ASIP: variants seen among roughly 807,000 people sequenced by gnomAD.
The protein encoded by ASIP is agouti-signaling protein.
Under a neutral mutation model 10.3 loss-of-function variants are expected in ASIP, and 11 were observed. That is an observed-to-expected ratio of 1.07 (90% confidence interval 0.68 to 1.78). The LOEUF (loss-of-function observed/expected upper bound fraction) is 1.78. ASIP is among the 40% of genes most tolerant of loss of function. ASIP has a pLI of 0.00. For synonymous variants in ASIP, 70 were observed against 70.8 expected (o/e 0.99, Z 0.06); for missense variants, 180 against 169.2 (o/e 1.06, Z -0.35).
intron 1 of ASIP, among the ~76,000 whole-genome samples, chr20:34,254,251 C>T (rs978525787): frequency 3.3e-5 from 5 of 152,230 alleles, no homozygotes; most frequent in South Asian, 4.1e-4. Context: ...TTAGTAGAGA[C>T]GAGCTATCAC....
At chr20:34,205,039 C>T (rs1230889854) in intron 1 of ASIP, among the ~76,000 whole-genome samples, 1 of 152,188 alleles carries the variant, frequency 6.6e-6, no homozygotes, top group Non-Finnish European at 1.5e-5. Flanking sequence ...TATACTCACC[C>T]TATTGTGCTA....
Position 34,269,228 on chromosome 20 carries a change from G to A in ASIP, c.*61G>A, listed in dbSNP as rs1441016079. On this transcript the variant is annotated 3_prime_UTR_variant, in exon 4 of 4. Transcript: ENST00000374954. ...CGGGGACGCGGGGCGCTTCTCGGGC[G>A]GGTGATCCCTAACAGGGCGGCTTCC... 1.1e-5 allele frequency: 16 copies of A among 1,432,642 alleles called. No individual in the cohort carries two copies. The highest frequency in any genetic ancestry group is 2.6e-5 in the East Asian group (1 of 37,818). The allele number at this position is 1,432,642 out of a possible 1,614,324, so 88.7% of individuals were successfully genotyped here.
chr20:34,268,934 T>TCCTC, intron 3 of ASIP, 57 bp from the exon 4 acceptor site: 1 of 1,550,582 alleles, frequency 6.4e-7, no homozygotes, highest in Non-Finnish European at 8.7e-7. Context: ...CAGGCAGAGG[T>TCCTC]GAGGACCGGA....
At chr20:34,237,567 T>C (rs1347071652), upstream of ASIP, among the ~76,000 whole-genome samples, 2 of 152,242 alleles carry the variant, frequency 1.3e-5, no homozygotes, top group Admixed American at 1.3e-4. Flanking sequence ...CTTTAGGCTT[T>C]TCTACATTTA....
chr20:34,188,195 G>A, the ASIP span, among the ~76,000 whole-genome samples: 24 of 152,314 alleles, frequency 1.6e-4, no homozygotes, highest in South Asian at 3.1e-3. Context: ...GAAATTATAC[G>A]CAAGATGGTA....
At chr20:34,216,476 G>A (rs1425452129) in intron 1 of ASIP, among the ~76,000 whole-genome samples, 3 of 152,102 alleles carry the variant, frequency 2.0e-5, no homozygotes, top group African/African-American at 7.2e-5. Context: ...TACTTTTATG[G>A]TTAGTACATT....
chr20:34,197,159 G>A (rs1201740164), intron 1 of ASIP, among the ~76,000 whole-genome samples: 1 of 152,082 alleles, frequency 6.6e-6, no homozygotes, highest in African/African-American at 2.4e-5. Flanking sequence ...TGGATCACGA[G>A]GTCAAGAGTT....
At chr20:34,262,445 G>A (rs974602727) in intron 2 of ASIP, among the ~76,000 whole-genome samples, 6 of 152,152 alleles carry the variant, frequency 3.9e-5, no homozygotes, top group African/African-American at 1.4e-4. Flanking sequence ...TACAAGACAG[G>A]AGTCCATTTT....
At chr20:34,232,012 C>G (rs563376757) in intron 1 of ASIP, among the ~76,000 whole-genome samples, 3 of 152,342 alleles carry the variant, frequency 2.0e-5, no homozygotes, top group South Asian at 4.1e-4. Context: ...ATTCATCACA[C>G]AGCAAGCAGC....
At position 34,267,593 on chromosome 20, in the gene ASIP, G is replaced by A. The variant is rs139914983; in HGVS notation, c.223-1398G>A. 6.1e-3 allele frequency among the ~76,000 whole-genome samples: 921 copies of A among 151,418 alleles called. 4 individuals are homozygous for A. Among genetic ancestry groups the A allele is most frequent in the Middle Eastern group, 0.038 (11 of 292 alleles). On this transcript the variant is annotated intron_variant, in intron 3 of 3. Transcript: ENST00000374954. ...GTTGCCCAGGCTGGAGTGCAATGGC[G>A]CAATCTCCACTCACAGCAACCTCCA...
intron 1 of ASIP, among the ~76,000 whole-genome samples, chr20:34,242,390 G>C (rs538382930): frequency 1.1e-4 from 16 of 151,924 alleles, no homozygotes; most frequent in African/African-American, 3.9e-4. Flanking sequence ...ACACCACCAC[G>C]CCTGGCTAAT....
At chr20:34,239,762 A>G (rs2035260074), upstream of ASIP, among the ~76,000 whole-genome samples, 1 of 152,186 alleles carries the variant, frequency 6.6e-6, no homozygotes, top group Non-Finnish European at 1.5e-5. Flanking sequence ...ACAAATCACC[A>G]AAAGAAATTG....
chr20:34,235,949 G>A (rs1568756728), intron 1 of ASIP, among the ~76,000 whole-genome samples: 1 of 129,962 alleles, frequency 7.7e-6, no homozygotes, highest in Non-Finnish European at 1.5e-5. Context: ...AGGGAAGAAG[G>A]AAGGAAGGAA....
intron 1 of ASIP, among the ~76,000 whole-genome samples, chr20:34,217,241 C>T (rs529441874): frequency 4.1e-4 from 62 of 152,090 alleles, no homozygotes; most frequent in African/African-American, 1.4e-3. Flanking sequence ...AATTCAAGAC[C>T]AGCCTGGGCA....
At chr20:34,189,403 C>T in the ASIP span, among the ~76,000 whole-genome samples, 10 of 152,016 alleles carry the variant, frequency 6.6e-5, no homozygotes, top group African/African-American at 2.2e-4. Flanking sequence ...CCACCACGCC[C>T]GGCTAATTTT....
intron 1 of ASIP, among the ~76,000 whole-genome samples, chr20:34,200,979 TCCTTCCTTCCTTCCTTCC>T (rs1568744376): frequency 2.2e-5 from 1 of 46,036 alleles, no homozygotes; most frequent in Non-Finnish European, 3.5e-5. Context: ...TTTCCTTCCT[TCCTTCCTTCCTTCCTTCC>T]TTCCTTCCTT....
intron 1 of ASIP, among the ~76,000 whole-genome samples, chr20:34,209,196 T>C (rs1453717860): frequency 6.6e-6 from 1 of 152,246 alleles, no homozygotes. Flanking sequence ...CAGCTGCACA[T>C]TGCACAGAGC....
At chr20:34,218,252 G>A (rs1194560541) in intron 1 of ASIP, among the ~76,000 whole-genome samples, 1 of 152,088 alleles carries the variant, frequency 6.6e-6, no homozygotes, top group Non-Finnish European at 1.5e-5. Context: ...ATGGAGGTTT[G>A]GCTTCAGCAT....
rs113352726 is a variant in ASIP at position 34,203,925 on chromosome 20, C to G, written c.-11+9165C>G. On this transcript the variant is annotated intron_variant, in intron 1 of 3. Coordinates refer to the ASIP transcript ENST00000568305. ...TTTAGTAGAGATGGGGTTGTTTCAC[C>G]ATGTTGGCCAGGCTGGTCTCGAACT... Among the ~76,000 whole-genome samples the G allele has an allele frequency of 4.7e-4, 72 of 152,072 alleles. 1 individual carries two copies. The highest frequency in any genetic ancestry group is 6.8e-3 in the Middle Eastern group (2 of 294).
Sources: allele counts gnomAD v4.1 joint callset (sites outside exome capture counted in the v4.1 genomes callset), GRCh38; gene constraint gnomAD v4.1.1; transcripts MANE v1.5; gene names NCBI Gene and HGNC (gene_info 2026-07-23, HGNC 2026-07-21).